STXBP6: variants seen among roughly 807,000 people sequenced by gnomAD.
The protein encoded by STXBP6 is syntaxin-binding protein 6.
STXBP6 carries 21 observed loss-of-function variants against 26.9 expected under a neutral mutation model. The ratio of observed to expected loss-of-function variants is 0.78; its 90% CI spans 0.55 to 1.12. STXBP6 has a LOEUF of 1.12. Ranked by LOEUF, STXBP6 falls within the 50% of genes most tolerant of loss-of-function variation. The probability of loss-of-function intolerance (pLI) is 0.00; values close to 1 mark genes in which losing one functional copy is unlikely to be tolerated. For missense variants in STXBP6, 232 were observed against 257.9 expected, an observed-to-expected ratio of 0.90 and a Z score of 0.69; for synonymous variants, 97 against 92.6, an observed-to-expected ratio of 1.05 and a Z score of -0.27.
chr14:24,967,805 C>T (rs1195930564), intron 2 of STXBP6, among the ~76,000 whole-genome samples: 1 of 152,182 alleles, frequency 6.6e-6, no homozygotes, highest in African/African-American at 2.4e-5. Context: ...CGTTCTACAT[C>T]TCTATCAATT....
chr14:24,850,131 C>G (rs763382772), intron 4 of STXBP6, among the ~76,000 whole-genome samples: 1 of 151,888 alleles, frequency 6.6e-6, no homozygotes, highest in Non-Finnish European at 1.5e-5. Flanking sequence ...GCCTGGGACA[C>G]GCACAAGGTG....
At chr14:24,959,303 G>A (rs1398681501) in intron 2 of STXBP6, among the ~76,000 whole-genome samples, 3 of 152,172 alleles carry the variant, frequency 2.0e-5, no homozygotes, top group Admixed American at 2.0e-4. Flanking sequence ...TGAAGGAACA[G>A]TGGCCAAGCA....
chr14:25,044,576 T>G (rs1320584859), intron 1 of STXBP6, among the ~76,000 whole-genome samples: 9 of 152,228 alleles, frequency 5.9e-5, no homozygotes, highest in Non-Finnish European at 1.3e-4. Context: ...GTCCTCTCTA[T>G]AACTCATCTG....
chr14:24,956,996 T>TAC (rs890989979), intron 2 of STXBP6, among the ~76,000 whole-genome samples: 18 of 152,172 alleles, frequency 1.2e-4, no homozygotes, highest in African/African-American at 1.9e-4. Flanking sequence ...TGCACCCCTC[T>TAC]ACACACACAC....
At chr14:25,034,085 C>T (rs28630402) in intron 1 of STXBP6, among the ~76,000 whole-genome samples, 8 of 152,030 alleles carry the variant, frequency 5.3e-5, no homozygotes, top group South Asian at 2.1e-4. Context: ...GGACATGAAA[C>T]GGACAAGGAA....
At chr14:24,879,740 A>C (rs1452563259) in intron 2 of STXBP6, among the ~76,000 whole-genome samples, 1 of 151,846 alleles carries the variant, frequency 6.6e-6, no homozygotes, top group Non-Finnish European at 1.5e-5. Context: ...AGCTCCAGGC[A>C]CTCTTTTTAC....
At chr14:24,885,892 A>G (rs886949682) in intron 2 of STXBP6, among the ~76,000 whole-genome samples, 7 of 152,228 alleles carry the variant, frequency 4.6e-5, no homozygotes, top group African/African-American at 1.7e-4. Flanking sequence ...GTACAGGAAT[A>G]TATGAATATG....
At chr14:24,872,843 A>G (rs1013319247) in intron 2 of STXBP6, among the ~76,000 whole-genome samples, 3 of 152,178 alleles carry the variant, frequency 2.0e-5, no homozygotes, top group Non-Finnish European at 4.4e-5. Flanking sequence ...CCTCTGCCAC[A>G]TGGCTTTCCT....
chr14:24,917,663 C>T (rs36053777), intron 2 of STXBP6, among the ~76,000 whole-genome samples: 31,181 of 151,880 alleles, frequency 0.21, 3,228 homozygotes, highest in East Asian at 0.25. Context: ...TAGAAAAAGA[C>T]ATAGATAACA....
chr14:24,875,891 G>A (rs1433062051), intron 2 of STXBP6, among the ~76,000 whole-genome samples: 1 of 152,088 alleles, frequency 6.6e-6, no homozygotes, highest in East Asian at 1.9e-4. Flanking sequence ...TTCATCAGGG[G>A]GTTCACATTT....
intron 2 of STXBP6, among the ~76,000 whole-genome samples, chr14:24,906,442 T>C (rs1041063105): frequency 1.3e-5 from 2 of 152,224 alleles, no homozygotes; most frequent in African/African-American, 2.4e-5. Context: ...TCAACTGACA[T>C]TGATGATGAT....
At chr14:24,994,415 C>G (rs993534790) in intron 1 of STXBP6, among the ~76,000 whole-genome samples, 1 of 152,142 alleles carries the variant, frequency 6.6e-6, no homozygotes, top group Admixed American at 6.5e-5. Context: ...ACTTCCTTCT[C>G]CCTCATGCAC....
chr14:24,870,775 T>A (rs905626483), intron 2 of STXBP6, among the ~76,000 whole-genome samples: 6 of 152,164 alleles, frequency 3.9e-5, no homozygotes, highest in African/African-American at 1.4e-4. Context: ...CCCTACCCCA[T>A]CACCACCACC....
intron 1 of STXBP6, among the ~76,000 whole-genome samples, chr14:25,004,526 A>G (rs1044499133): frequency 5.9e-5 from 9 of 152,202 alleles, no homozygotes; most frequent in African/African-American, 2.2e-4. Flanking sequence ...CTGGATTAGG[A>G]GGAACAAAGA....
chr14:25,017,099 T>C (rs1328957096), intron 1 of STXBP6, among the ~76,000 whole-genome samples: 1 of 152,222 alleles, frequency 6.6e-6, no homozygotes, highest in Non-Finnish European at 1.5e-5. Flanking sequence ...TTTACATATT[T>C]GCACTTAAGC....
At chr14:24,910,589 T>C in intron 2 of STXBP6, among the ~76,000 whole-genome samples, 1 of 152,250 alleles carries the variant, frequency 6.6e-6, no homozygotes, top group East Asian at 1.9e-4. Flanking sequence ...AATCAATATC[T>C]TTAAGCAGGA....
chr14:24,978,622 T>C (rs970169699), intron 1 of STXBP6, among the ~76,000 whole-genome samples: 8 of 152,182 alleles, frequency 5.3e-5, no homozygotes, highest in Admixed American at 5.2e-4. Context: ...AGGTTGTAAT[T>C]ACAAAATTTT....
At chr14:24,932,023 G>T (rs1460423417) in intron 2 of STXBP6, among the ~76,000 whole-genome samples, 2 of 152,106 alleles carry the variant, frequency 1.3e-5, no homozygotes, top group Non-Finnish European at 2.9e-5. Context: ...GAAGACAGAA[G>T]AGGCCTTCAA....
intron 1 of STXBP6, among the ~76,000 whole-genome samples, chr14:25,003,943 C>T (rs2074828743): frequency 6.6e-6 from 1 of 152,218 alleles, no homozygotes; most frequent in South Asian, 2.1e-4. Flanking sequence ...GTAACTCATT[C>T]ATTCATTAAA....
Sources: gnomAD v4.1 joint callset for allele counts (sites outside exome capture counted in the v4.1 genomes callset) on GRCh38, gnomAD v4.1.1 for gene constraint, MANE v1.5 for transcripts, NCBI Gene and HGNC (gene_info 2026-07-23, HGNC 2026-07-21) for gene names.